The following TENM2 variants were observed in gnomAD, a reference collection of about 807,000 sequenced individuals.
The protein encoded by TENM2 is teneurin transmembrane protein 2.
A neutral mutation model predicts 245.2 loss-of-function variants in TENM2; 52 were observed. The ratio of observed to expected loss-of-function variants is 0.21; its 90% confidence interval spans 0.17 to 0.27. The LOEUF is 0.27. Among genes scored for constraint, TENM2 ranks in the 10% least tolerant of loss-of-function variants. The probability of loss-of-function intolerance (pLI) is 1.00; values close to 1 mark genes in which losing one functional copy is unlikely to be tolerated. For missense variants in TENM2, 3,046 were observed against 3,666.8 expected, an observed-to-expected ratio of 0.83 and a Z score of 4.37; for synonymous variants, 1,363 against 1,438.9, an observed-to-expected ratio of 0.95 and a Z score of 1.19.
chr5:167,054,159 G>C, the TENM2 span, among the ~76,000 whole-genome samples: 1 of 152,160 alleles, frequency 6.6e-6, no homozygotes, highest in Admixed American at 6.6e-5. Context: ...ATACAGAATA[G>C]TTTAGCTGCT....
At chr5:167,482,830 G>A (rs1234012163) in intron 2 of TENM2, among the ~76,000 whole-genome samples, 2 of 152,160 alleles carry the variant, frequency 1.3e-5, no homozygotes, top group Non-Finnish European at 2.9e-5. Flanking sequence ...TGCTTACTCA[G>A]TGTCTGACAA....
At chr5:167,456,440 A>G (rs1765926621) in intron 2 of TENM2, among the ~76,000 whole-genome samples, 2 of 152,050 alleles carry the variant, frequency 1.3e-5, no homozygotes, top group South Asian at 4.1e-4. Flanking sequence ...AAAAATAATT[A>G]TCTTTACTAA....
At chr5:167,956,917 A>AG (rs1780605914) in intron 4 of TENM2, among the ~76,000 whole-genome samples, 2 of 152,146 alleles carry the variant, frequency 1.3e-5, no homozygotes, top group African/African-American at 4.8e-5. Context: ...CAGCAGGGAT[A>AG]TTGGCCTGAA....
At chr5:168,052,066 C>T (rs1332284953) in intron 6 of TENM2, among the ~76,000 whole-genome samples, 1 of 151,890 alleles carries the variant, frequency 6.6e-6, no homozygotes, top group Admixed American at 6.6e-5. Context: ...TCGAGACCAG[C>T]CTGGGCAACA....
At chr5:168,181,050 A>T (rs1759836558) in intron 13 of TENM2, among the ~76,000 whole-genome samples, 1 of 152,234 alleles carries the variant, frequency 6.6e-6, no homozygotes, top group Admixed American at 6.5e-5. Context: ...TAGCCACTGG[A>T]AATACGGTGC....
intron 3 of TENM2, among the ~76,000 whole-genome samples, chr5:167,883,800 T>A (rs962117546): frequency 2.0e-5 from 3 of 152,222 alleles, no homozygotes; most frequent in Non-Finnish European, 2.9e-5. Context: ...CTAACTAGCT[T>A]CCTGCGTAAT....
intron 2 of TENM2, among the ~76,000 whole-genome samples, chr5:167,542,547 C>G (rs553080316): frequency 4.6e-5 from 7 of 152,102 alleles, no homozygotes; most frequent in Admixed American, 4.6e-4. Flanking sequence ...TCAAGTGATT[C>G]GTATCTACCT....
At chr5:167,221,853 G>A in the TENM2 span, among the ~76,000 whole-genome samples, 6 of 152,102 alleles carry the variant, frequency 3.9e-5, no homozygotes, top group African/African-American at 4.8e-5. Flanking sequence ...AAATGTACTC[G>A]TTAAAGACAG....
At chr5:168,155,412 GGGT>G (rs1757070229) in intron 12 of TENM2, among the ~76,000 whole-genome samples, 1 of 151,332 alleles carries the variant, frequency 6.6e-6, no homozygotes, top group South Asian at 2.1e-4. Context: ...AAGGGGGGGG[GGGT>G]CCATAATTAA....
At chr5:167,858,301 G>A (rs560748212) in intron 2 of TENM2, among the ~76,000 whole-genome samples, 76 of 152,388 alleles carry the variant, frequency 5.0e-4, no homozygotes, top group African/African-American at 1.8e-3. Flanking sequence ...TTCATAAGAA[G>A]AGGAAGAAGC....
rs1386144649 is a variant in TENM2 at position 167,300,602 on chromosome 5, C to T, written c.226+15539C>T. On this transcript the variant is annotated intron_variant, in intron 1 of 28. Coordinates refer to ENST00000518659, the Ensembl canonical transcript of TENM2. ...TGTAACAGGCGAGTGATAACAGGCT[C>T]TAATCCTTTTAAAGCGTGCTGTGGG... Among the ~76,000 whole-genome samples the T allele has an allele frequency of 6.6e-5, 10 of 152,208 alleles. No individual in the cohort carries two copies. In the East Asian group the frequency reaches 1.6e-3, roughly 24 times the overall value.
intron 5 of TENM2, among the ~76,000 whole-genome samples, chr5:168,045,913 CT>C: frequency 6.6e-6 from 1 of 152,270 alleles, no homozygotes; most frequent in Admixed American, 6.5e-5. Context: ...AACGGACAAA[CT>C]GCAGGAGAAA....
intron 1 of TENM2, among the ~76,000 whole-genome samples, chr5:167,294,020 G>A (rs896010462): frequency 6.6e-6 from 1 of 151,678 alleles, no homozygotes; most frequent in Non-Finnish European, 1.5e-5. Context: ...CTGAGTGTGT[G>A]TTTTATCCCT....
In TENM2 at chr5:167,361,765, C is replaced by G. The variant is rs115389203; in HGVS notation, c.227-13433C>G. The stretch of plus-strand genomic sequence containing the variant: ...TGGATATGCTGAAATCCTCATGAAG[C>G]TGTTGTCTCTATTATATGTGAATAC... On this transcript the variant is annotated intron_variant, in intron 1 of 28. Transcript: ENST00000518659. Among the ~76,000 whole-genome samples the G allele has an allele frequency of 2.7e-3, 410 of 152,282 alleles. 2 individuals carry two copies. The highest frequency in any genetic ancestry group is 9.5e-3 in the African/African-American group (394 of 41,568).
intron 2 of TENM2, among the ~76,000 whole-genome samples, chr5:167,445,490 C>T (rs868156587): frequency 1.2e-4 from 18 of 151,970 alleles, no homozygotes; most frequent in Middle Eastern, 3.4e-3. Context: ...ATTTCAAAGC[C>T]GCATAGCAAT....
At chr5:167,387,800 G>A (rs939362389) in intron 2 of TENM2, among the ~76,000 whole-genome samples, 1 of 152,048 alleles carries the variant, frequency 6.6e-6, no homozygotes, top group African/African-American at 2.4e-5. Context: ...TTATAATTCT[G>A]TTTATGCTGT....
the TENM2 span, among the ~76,000 whole-genome samples, chr5:167,043,974 C>T: frequency 2.0e-5 from 3 of 150,854 alleles, no homozygotes; most frequent in African/African-American, 4.9e-5. Context: ...GAGCCGAGAT[C>T]GCGCCACTGC....
intron 13 of TENM2, among the ~76,000 whole-genome samples, chr5:168,174,438 ACAGT>A (rs1365974268): frequency 6.6e-6 from 1 of 152,166 alleles, no homozygotes; most frequent in Non-Finnish European, 1.5e-5. Flanking sequence ...TGGATGCAAA[ACAGT>A]CAGCACAACG....
intron 5 of TENM2, among the ~76,000 whole-genome samples, chr5:168,010,007 GT>G (rs1486622235): frequency 6.6e-6 from 1 of 152,192 alleles, no homozygotes; most frequent in Non-Finnish European, 1.5e-5. Flanking sequence ...CCGTGATACT[GT>G]GATGAATCCA....
Sources: allele counts gnomAD v4.1 joint callset (sites outside exome capture counted in the v4.1 genomes callset), GRCh38; gene constraint gnomAD v4.1.1; transcripts MANE v1.5; gene names NCBI Gene and HGNC (gene_info 2026-07-23, HGNC 2026-07-21).